The following PDE4D variants were observed in gnomAD, a reference collection of about 807,000 sequenced individuals.
PDE4D encodes 3',5'-cyclic-AMP phosphodiesterase 4D.
PDE4D carries 24 observed loss-of-function variants against 87.4 expected under a neutral mutation model. The ratio of observed to expected loss-of-function variants is 0.27; its 90% CI spans 0.20 to 0.39. PDE4D has a LOEUF of 0.39. PDE4D is among the 10% of genes least tolerant of loss of function. The pLI is 1.00. For synonymous variants in PDE4D, 384 were observed against 383.2 expected, an observed-to-expected ratio of 1.00 and a Z score of -0.02; for missense variants, 714 against 1,041.0, an observed-to-expected ratio of 0.69 and a Z score of 4.32.
intron 1 of PDE4D, among the ~76,000 whole-genome samples, chr5:59,735,687 G>A (rs1421242742): frequency 6.6e-6 from 1 of 151,064 alleles, no homozygotes; most frequent in Non-Finnish European, 1.5e-5. Flanking sequence ...TTTTTTTCGA[G>A]ACAGAATCTC....
chr5:59,448,231 T>G (rs891403872), intron 1 of PDE4D, among the ~76,000 whole-genome samples: 2 of 152,228 alleles, frequency 1.3e-5, no homozygotes, highest in African/African-American at 2.4e-5. Context: ...CAATAAGCTT[T>G]AAGATTCTCT....
At chr5:59,217,931 T>C in intron 1 of PDE4D, 1 of 430,310 alleles carries the variant, frequency 2.3e-6, no homozygotes, top group Non-Finnish European at 4.6e-6. Context: ...TAAATAGGCA[T>C]TTATTAAGCA....
At chr5:60,517,422 C>A (rs143612766) in intron 1 of PDE4D, among the ~76,000 whole-genome samples, 1 of 152,234 alleles carries the variant, frequency 6.6e-6, no homozygotes, top group Non-Finnish European at 1.5e-5. Flanking sequence ...GCTGCTAGTT[C>A]CACAGACTGG....
At chr5:60,368,668 G>T (rs1760759255) in intron 1 of PDE4D, among the ~76,000 whole-genome samples, 1 of 152,128 alleles carries the variant, frequency 6.6e-6, no homozygotes, top group Non-Finnish European at 1.5e-5. Flanking sequence ...GTTAGAGGAG[G>T]GGCCTGGTGG....
intron 6 of PDE4D, among the ~76,000 whole-genome samples, chr5:59,027,047 A>T (rs1265448685): frequency 6.6e-6 from 1 of 152,168 alleles, no homozygotes; most frequent in African/African-American, 2.4e-5. Flanking sequence ...CATAATATTT[A>T]GTCCTCATGT....
intron 1 of PDE4D, among the ~76,000 whole-genome samples, chr5:59,799,236 G>C (rs1766844038): frequency 6.6e-6 from 1 of 152,192 alleles, no homozygotes; most frequent in African/African-American, 2.4e-5. Context: ...TGACAACTTT[G>C]GGGTCTGTTT....
chr5:59,645,372 T>C (rs1344377650), intron 1 of PDE4D, among the ~76,000 whole-genome samples: 1 of 152,240 alleles, frequency 6.6e-6, no homozygotes, highest in African/African-American at 2.4e-5. Context: ...ACATTTTAAC[T>C]GCAGAAGTTT....
intron 6 of PDE4D, among the ~76,000 whole-genome samples, chr5:59,032,940 G>T (rs1757843870): frequency 6.6e-6 from 1 of 152,156 alleles, no homozygotes; most frequent in African/African-American, 2.4e-5. Context: ...GCTGGAATTT[G>T]AAACCAAGTT....
At chr5:60,170,623 G>A (rs1238961649) in intron 2 of PDE4D, among the ~76,000 whole-genome samples, 1 of 151,920 alleles carries the variant, frequency 6.6e-6, no homozygotes, top group East Asian at 1.9e-4. Context: ...TCATAATGAG[G>A]CCTCTGTACA....
chr5:59,313,749 A>C (rs1006651101), intron 1 of PDE4D, among the ~76,000 whole-genome samples: 2 of 152,170 alleles, frequency 1.3e-5, no homozygotes, highest in Non-Finnish European at 2.9e-5. Context: ...AGACCCTCTA[A>C]CAACCAACTT....
intron 5 of PDE4D, among the ~76,000 whole-genome samples, chr5:59,171,621 C>T (rs1255115781): frequency 6.6e-6 from 1 of 151,676 alleles, no homozygotes; most frequent in Admixed American, 6.6e-5. Flanking sequence ...CTGATATGGA[C>T]AGGCATTCCA....
intron 1 of PDE4D, among the ~76,000 whole-genome samples, chr5:59,660,233 T>G (rs1034119103): frequency 3.9e-5 from 6 of 152,090 alleles, no homozygotes; most frequent in African/African-American, 1.4e-4. Flanking sequence ...AATTAGTAAC[T>G]TTTGCATTTC....
At chr5:59,527,036 A>T (rs1813279899) in intron 1 of PDE4D, among the ~76,000 whole-genome samples, 1 of 152,136 alleles carries the variant, frequency 6.6e-6, no homozygotes, top group African/African-American at 2.4e-5. Context: ...GAAATTTTAA[A>T]ATTTTTTTCT....
chr5:59,722,897 C>A (rs905945434), intron 1 of PDE4D, among the ~76,000 whole-genome samples: 1 of 152,044 alleles, frequency 6.6e-6, no homozygotes, highest in Non-Finnish European at 1.5e-5. Context: ...AACGTGTTTG[C>A]CCTTTTTCTG....
chr5:59,378,795 T>A (rs777445010), intron 1 of PDE4D, among the ~76,000 whole-genome samples: 5 of 152,224 alleles, frequency 3.3e-5, no homozygotes, highest in Non-Finnish European at 7.3e-5. Context: ...AAAATTTTTA[T>A]ACCAGGTCAT....
chr5:59,995,318 TTTC>T (rs1192892260), intron 2 of PDE4D, among the ~76,000 whole-genome samples: 2 of 125,698 alleles, frequency 1.6e-5, no homozygotes, highest in East Asian at 1.0e-3. Context: ...TCTTTCTTTC[TTTC>T]TTTTTTTTTT....
intron 1 of PDE4D, among the ~76,000 whole-genome samples, chr5:59,663,060 T>C (rs1745501881): frequency 6.6e-6 from 1 of 152,214 alleles, no homozygotes; most frequent in African/African-American, 2.4e-5. Context: ...TTGCAATTTG[T>C]CTCCTTAATA....
intron 1 of PDE4D, among the ~76,000 whole-genome samples, chr5:59,291,034 A>G (rs1373654658): frequency 6.6e-6 from 1 of 152,100 alleles, no homozygotes; most frequent in Non-Finnish European, 1.5e-5. Context: ...ACTCCTCAAA[A>G]GACTAAAAAT....
intron 1 of PDE4D, among the ~76,000 whole-genome samples, chr5:59,372,120 G>A (rs1784029392): frequency 1.3e-5 from 2 of 152,162 alleles, no homozygotes; most frequent in South Asian, 4.1e-4. Context: ...AAGGACTCAA[G>A]GCTTCTCTAT....
Sources: gnomAD v4.1 joint callset for allele counts (sites outside exome capture counted in the v4.1 genomes callset) on GRCh38, gnomAD v4.1.1 for gene constraint, MANE v1.5 for transcripts, NCBI Gene and HGNC (gene_info 2026-07-23, HGNC 2026-07-21) for gene names.